Variants in PRPF31 observed in about 807,000 individuals in gnomAD.
PRPF31 encodes pre-mRNA processing factor 31.
In PRPF31, 12 loss-of-function variants were observed where a neutral mutation model predicts 60.4. The ratio of observed to expected loss-of-function variants is 0.20; its 90% CI spans 0.13 to 0.32. The LOEUF is 0.32. Ranked by LOEUF, PRPF31 falls within the 10% of genes least tolerant of loss-of-function variation. The pLI, the probability that PRPF31 is intolerant of heterozygous loss-of-function variation, is 1.00. For synonymous variants in PRPF31, 287 were observed against 287.9 expected (o/e 1.00, Z 0.03); for missense variants, 431 against 687.1 (o/e 0.63, Z 4.17).
intron 9 of PRPF31, 133 bp from the exon 10 acceptor site, chr19:54,127,940 A>G: frequency 3.2e-6 from 4 of 1,259,234 alleles, no homozygotes; most frequent in South Asian, 1.3e-5. Context: ...AGAAAAAGAA[A>G]GGGGGTGGCG....
chr19:54,131,301 G>A lies in PRPF31; in HGVS notation c.1375-6G>A. ...ACCCATCATCCTCTCTCCCTCACCT[G>A]CCCAGGGCCTGGAGATTGTGAACCC... On this transcript the variant is annotated splice_region_variant and splice_polypyrimidine_tract_variant and intron_variant, in intron 13 of 13. Transcript: ENST00000321030. The A allele has an allele frequency of 6.2e-7, 1 of 1,613,810 alleles. No individual in the cohort carries two copies. Among genetic ancestry groups the A allele is most frequent in the South Asian group, 1.1e-5 (1 of 91,078 alleles).
Position 54,122,675 on chromosome 19 carries a change from T to C in PRPF31, c.420+81T>C, listed in dbSNP as rs254276. On this transcript the variant is annotated intron_variant, in intron 5 of 13. Coordinates refer to ENST00000321030, the MANE Select transcript of PRPF31 (RefSeq NM_015629.4). ...ACTCTCGGACCCCCTCCCAGAGGCC[T>C]GAGGGTCTGGAGACGATGGAGAGGA... 152,179 of 1,142,126 alleles carry C rather than the reference T, an allele frequency of 0.13. 11,412 individuals are homozygous for C. The highest frequency in any genetic ancestry group is 0.22 in the East Asian group (9,529 of 42,642). The allele number at this position is 1,142,126 out of a possible 1,614,324, so 70.7% of individuals were successfully genotyped here.
chr19:54,131,516 A>G lies in PRPF31; in HGVS notation c.*84A>G. On this transcript the variant is annotated 3_prime_UTR_variant, in exon 14 of 14. Coordinates refer to ENST00000321030, the MANE Select transcript of PRPF31 (RefSeq NM_015629.4). ...TGAAGGGCTAGGATCGGGTTCTGGCAGGGAGAACCTGCCCTGCCACTGGCC... is the reference window on the plus strand; with the variant it reads ...TGAAGGGCTAGGATCGGGTTCTGGCGGGGAGAACCTGCCCTGCCACTGGCC... 1 of 1,545,916 alleles carries G rather than the reference A, an allele frequency of 6.5e-7. No individual in the cohort carries two copies. The highest frequency in any genetic ancestry group is 8.8e-7 in the Non-Finnish European group (1 of 1,140,282).
intron 4 of PRPF31, 48 bp from the exon 5 acceptor site, chr19:54,122,449 A>T: frequency 1.4e-6 from 2 of 1,405,396 alleles, no homozygotes; most frequent in Non-Finnish European, 2.0e-6. Flanking sequence ...CAACCAGCAG[A>T]GTCTACCTTC....
At chr19:54,122,852 G>C in intron 5 of PRPF31, 1 of 591,286 alleles carries the variant, frequency 1.7e-6, no homozygotes, top group East Asian at 2.9e-5. Context: ...GGAGCCGGTG[G>C]CATTGGAGTT....
At chr19:54,129,215 AC>A in intron 12 of PRPF31, 30 bp downstream of exon 12, 1 of 1,596,458 alleles carries the variant, frequency 6.3e-7, no homozygotes, top group Non-Finnish European at 8.5e-7. Flanking sequence ...GGGGCTGGGG[AC>A]CGAGGGACAC....
In PRPF31 at chr19:54,124,834, C is replaced by A; in HGVS notation, c.855+178C>A. 4 of 734,520 alleles carry A rather than the reference C, an allele frequency of 5.4e-6. No homozygotes were observed. In the South Asian group the frequency reaches 6.7e-5, roughly 12 times the overall value. 45.5% of individuals were successfully genotyped at this position (734,520 alleles called of 1,614,324 possible). On this transcript the variant is annotated intron_variant, in intron 8 of 13. Transcript: ENST00000321030. ...TGCAGCAGACCAGCTCCAGCACCCA[C>A]CAGTCAGGTGACTGTGGGCAAGAGG...
Position 54,118,411 on chromosome 19 carries a change from G to C in PRPF31, c.133G>C (p.Gly45Arg). Residue 45 changes from glycine to arginine, a missense_variant, in exon 2 of 14, where the codon GGG becomes CGG. By Grantham distance (125) the Gly-to-Arg change is moderately radical (BLOSUM62 -2). Transcript: ENST00000321030. ...VQEETQLDLS[G>R]DSVKTIAKLW... ...GGAGGAGACACAGCTGGATCTTTCC[G>C]GGGATTCAGTCAAGACCATCGCCAA... 2 of 1,614,078 alleles carry C rather than the reference G, an allele frequency of 1.2e-6. No individual in the cohort carries two copies. Among genetic ancestry groups the C allele is most frequent in the Middle Eastern group, 1.7e-4 (1 of 6,054 alleles).
intron 5 of PRPF31, chr19:54,123,201 C>T (rs2073835877): frequency 1.7e-6 from 1 of 592,206 alleles, no homozygotes; most frequent in South Asian, 2.0e-5. Flanking sequence ...AGGCCACAGT[C>T]TTTCCAGACG....
At chr19:54,124,152 A>G (rs748153420) in intron 7 of PRPF31, 18 of 855,604 alleles carry the variant, frequency 2.1e-5, no homozygotes, top group Non-Finnish European at 3.0e-5. Context: ...AGATGACCAC[A>G]CCCAGGCCCT....
At chr19:54,116,147 C>G (rs188947657) in intron 1 of PRPF31, among the ~76,000 whole-genome samples, 1,651 of 151,466 alleles carry the variant, frequency 0.011, 35 homozygotes, top group African/African-American at 0.038. Context: ...GTGATCCGCC[C>G]GCCTCGGCCT....
intron 13 of PRPF31, among the ~76,000 whole-genome samples, chr19:54,131,067 T>G (rs1451100088): frequency 6.6e-6 from 1 of 152,166 alleles, no homozygotes; most frequent in Admixed American, 6.5e-5. Context: ...AAGCATTGGT[T>G]GTTTTTAGCA....
intron 1 of PRPF31, among the ~76,000 whole-genome samples, chr19:54,117,279 G>C (rs2073670885): frequency 6.6e-6 from 1 of 152,130 alleles, no homozygotes. Flanking sequence ...TCAAATGCTC[G>C]CAGATGAGAA....
In PRPF31 at chr19:54,118,619, C is replaced by A. The variant is rs1334884325; in HGVS notation, c.224C>A (p.Ala75Asp). Residue 75 changes from alanine (A) to aspartate (D), a missense_variant, in exon 3 of 14, where the codon GCC becomes GAC. By Grantham distance (126) the Ala-to-Asp change is moderately radical. Coordinates refer to ENST00000321030, the MANE Select transcript of PRPF31 (RefSeq NM_015629.4). ...ATTGAGGAGTATATCAGCAAGCAAG[C>A]CAAAGCTTCAGAAGGTGCTTCCTCC... is the stretch of plus-strand genomic sequence containing the variant. Reference protein sequence around the residue: ...MKIEEYISKQAKASEVMGPVE... With the variant: ...MKIEEYISKQDKASEVMGPVE... 2 of 1,614,074 alleles carry A rather than the reference C, an allele frequency of 1.2e-6. No individual in the cohort carries two copies. The highest frequency in any genetic ancestry group is 1.7e-6 in the Non-Finnish European group (2 of 1,180,006).
Position 54,118,349 on chromosome 19 carries a change from G to A in PRPF31, c.71G>A (p.Gly24Glu), listed in dbSNP as rs752660801. ...AAEEEEGGSY[G>E]EEEEEPAIED... ...GAAGAGGAGGAAGGAGGAAGCTATG[G>A]GGAGGAAGAAGAGGAGCCAGCGATC... The change falls in exon 2 of 14, where the codon GGG becomes GAG. Residue 24 changes from glycine to glutamate, a missense_variant. Transcript: ENST00000321030. The A allele has an allele frequency of 6.2e-7, 1 of 1,613,992 alleles. No individual in the cohort carries two copies. The highest frequency in any genetic ancestry group is 1.7e-4 in the Middle Eastern group (1 of 5,980).
At chr19:54,118,884 C>T (rs2073718448) in intron 3 of PRPF31, 3 of 546,430 alleles carry the variant, frequency 5.5e-6, no homozygotes, top group Admixed American at 6.9e-5. Flanking sequence ...GTTTCCCAGA[C>T]TTCACTGATT....
Position 54,118,447 on chromosome 19 carries a change from A to G in PRPF31, c.169A>G (p.Ser57Gly). ...SVKTIAKLWD[S>G]KMFAEIMMKI... Reference sequence around the variant, plus strand: ...CAAGACCATCGCCAAGCTATGGGATAGTAAGATGGTAAGAGGACAAGAGGT... The same window carrying G: ...CAAGACCATCGCCAAGCTATGGGATGGTAAGATGGTAAGAGGACAAGAGGT... Residue 57 changes from serine (S) to glycine (G), a missense_variant, in exon 2 of 14, where the codon AGT becomes GGT. Ser to Gly is a moderately conservative substitution (Grantham distance 56). This residue lies in a region of PRPF31 where 113 missense variants were observed against 173.8 expected (regional missense o/e 0.65). Transcript: ENST00000321030. The G allele has an allele frequency of 6.2e-7, 1 of 1,614,182 alleles. No homozygotes were observed. Among genetic ancestry groups the G allele is most frequent in the Non-Finnish European group, 8.5e-7 (1 of 1,180,020 alleles).
intron 5 of PRPF31, 198 bp from the exon 6 acceptor site, chr19:54,123,256 G>C: frequency 3.2e-6 from 2 of 634,002 alleles, no homozygotes; most frequent in South Asian, 3.6e-5. Context: ...AAGCAGGGCA[G>C]ATGGTGTGGA....
chr19:54,125,103 G>A (rs1331424302), intron 8 of PRPF31: 4 of 257,666 alleles, frequency 1.6e-5, no homozygotes, highest in Admixed American at 5.0e-5. Flanking sequence ...ACACAGGAGG[G>A]GCAGGAGAGG....
Sources: allele counts gnomAD v4.1 joint callset (sites outside exome capture counted in the v4.1 genomes callset), GRCh38; gene constraint gnomAD v4.1.1; regional missense constraint gnomAD v4.1.1; transcripts MANE v1.5; gene names NCBI Gene and HGNC (gene_info 2026-07-23, HGNC 2026-07-21).